UBE2D1: variants seen among roughly 807,000 people sequenced by gnomAD.
UBE2D1 encodes the protein ubiquitin-conjugating enzyme E2 D1.
UBE2D1 carries 9 observed loss-of-function variants against 24.6 expected under a neutral mutation model. That is an observed-to-expected ratio of 0.37 (90% CI 0.22 to 0.64). UBE2D1 has a LOEUF of 0.64. Among genes scored for constraint, UBE2D1 ranks in the 30% least tolerant of loss-of-function variants. The pLI, the probability that UBE2D1 is intolerant of heterozygous loss-of-function variation, is 0.64. For synonymous variants in UBE2D1, 57 were observed against 57.6 expected, an observed-to-expected ratio of 0.99 and a Z score of 0.04; for missense variants, 87 against 177.1, an observed-to-expected ratio of 0.49 and a Z score of 2.89.
rs577366601 is a variant in UBE2D1, at chr10:58,346,889, G to A, written c.24+11664G>A. Among the ~76,000 whole-genome samples the A allele has an allele frequency of 5.3e-5, 8 of 152,264 alleles. No individual in the cohort carries two copies. In the East Asian group the frequency reaches 1.5e-3, roughly 29 times the overall value. ...GGTCTAAGCTACAGTGTTAGCAGAG[G>A]ACATTGAAAAGAGGGATATATGACA... is the stretch of plus-strand genomic sequence containing the variant. On this transcript the variant is annotated intron_variant, in intron 1 of 6. Transcript: ENST00000373910.
chr10:58,336,842 T>C (rs1839908677), intron 1 of UBE2D1, among the ~76,000 whole-genome samples: 1 of 152,188 alleles, frequency 6.6e-6, no homozygotes, highest in Non-Finnish European at 1.5e-5. Context: ...TTTCATTGTG[T>C]TTTTTTAAGA....
At chr10:58,340,763 C>T (rs1474648460) in intron 1 of UBE2D1, among the ~76,000 whole-genome samples, 2 of 152,110 alleles carry the variant, frequency 1.3e-5, no homozygotes, top group Middle Eastern at 3.2e-3. Context: ...GTTTTTAAAA[C>T]GGGAAGTAGA....
intron 5 of UBE2D1, among the ~76,000 whole-genome samples, chr10:58,367,465 A>G (rs1454524317): frequency 6.6e-6 from 1 of 152,172 alleles, no homozygotes; most frequent in African/African-American, 2.4e-5. Flanking sequence ...AATAAACTAC[A>G]TTAAGTAAAG....
At chr10:58,357,863 T>C (rs1399910633) in intron 1 of UBE2D1, among the ~76,000 whole-genome samples, 2 of 152,164 alleles carry the variant, frequency 1.3e-5, no homozygotes, top group African/African-American at 2.4e-5. Context: ...ATGTTTGATA[T>C]ACTATCAGCT....
chr10:58,344,275 A>C (rs1302779614), intron 1 of UBE2D1, among the ~76,000 whole-genome samples: 1 of 152,184 alleles, frequency 6.6e-6, no homozygotes, highest in African/African-American at 2.4e-5. Context: ...TTGGTTGAAA[A>C]TAATGTGCTC....
chr10:58,358,027 A>G (rs1328088838), intron 1 of UBE2D1, among the ~76,000 whole-genome samples: 1 of 151,994 alleles, frequency 6.6e-6, no homozygotes, highest in Non-Finnish European at 1.5e-5. Context: ...TAACAAGATA[A>G]CCTTTGTTTT....
chr10:58,365,189 G>A (rs1840241945), intron 5 of UBE2D1, among the ~76,000 whole-genome samples: 1 of 152,138 alleles, frequency 6.6e-6, no homozygotes, highest in Non-Finnish European at 1.5e-5. Flanking sequence ...AAGAGAGAGT[G>A]CCCGGGCACT....
rs779243844 is a variant in UBE2D1, at chr10:58,368,710, G to A, written c.399-10G>A. ...TATGTTTTTACTATATCCTTTTTGT[G>A]TATCTACAGATACAACAGACATGCA... On this transcript the variant is annotated splice_polypyrimidine_tract_variant and intron_variant, in intron 6 of 6. Coordinates refer to ENST00000373910, the MANE Select transcript of UBE2D1 (RefSeq NM_003338.5). 3 of 1,562,360 alleles carry A rather than the reference G, an allele frequency of 1.9e-6. No individual in the cohort carries two copies. The highest frequency in any genetic ancestry group is 2.6e-6 in the Non-Finnish European group (3 of 1,153,602).
At chr10:58,337,837 T>C (rs1839919135) in intron 1 of UBE2D1, among the ~76,000 whole-genome samples, 1 of 152,066 alleles carries the variant, frequency 6.6e-6, no homozygotes. Flanking sequence ...AGGAGTGCTT[T>C]GTCCAAAGAT....
At chr10:58,336,623 G>T (rs1320797553) in intron 1 of UBE2D1, among the ~76,000 whole-genome samples, 1 of 152,140 alleles carries the variant, frequency 6.6e-6, no homozygotes, top group Admixed American at 6.5e-5. Context: ...TGAAGGTAGC[G>T]CAATTACACA....
At position 58,336,972 on chromosome 10, in the gene UBE2D1, C is replaced by T. The variant is rs527279012; in HGVS notation, c.24+1747C>T. On this transcript the variant is annotated intron_variant, in intron 1 of 6. Coordinates refer to ENST00000373910, the MANE Select transcript of UBE2D1 (RefSeq NM_003338.5). Reference sequence around the variant, plus strand: ...AATAGCTTAAGCTGTATAATTTGTCCACAGTAAGTGGATATTCAAAGAAAT... The same window carrying T: ...AATAGCTTAAGCTGTATAATTTGTCTACAGTAAGTGGATATTCAAAGAAAT... 3.3e-5 allele frequency among the ~76,000 whole-genome samples: 5 copies of T among 152,268 alleles called. No individual in the cohort carries two copies. The East Asian group carries it at 9.6e-4, about 29-fold the overall frequency.
At chr10:58,345,314 A>G (rs928505388) in intron 1 of UBE2D1, among the ~76,000 whole-genome samples, 3 of 152,104 alleles carry the variant, frequency 2.0e-5, no homozygotes, top group Non-Finnish European at 4.4e-5. Flanking sequence ...ATTTTAAAAA[A>G]AAAATTAAAA....
chr10:58,344,054 T>G (rs1172799036), intron 1 of UBE2D1, among the ~76,000 whole-genome samples: 3 of 152,276 alleles, frequency 2.0e-5, no homozygotes, highest in African/African-American at 7.2e-5. Context: ...CCTGTAAAGT[T>G]TTTCTTGACT....
At chr10:58,364,265 A>G (rs557741177) in intron 4 of UBE2D1, among the ~76,000 whole-genome samples, 2 of 152,288 alleles carry the variant, frequency 1.3e-5, no homozygotes, top group Admixed American at 6.5e-5. Flanking sequence ...AGTTAAAAAC[A>G]GATTAACATT....
chr10:58,356,577 A>G (rs1840133584), intron 1 of UBE2D1, among the ~76,000 whole-genome samples: 1 of 152,170 alleles, frequency 6.6e-6, no homozygotes, highest in Non-Finnish European at 1.5e-5. Flanking sequence ...CTACCAGGGC[A>G]GTAATTTCTA....
At chr10:58,346,666 C>T (rs61873955) in intron 1 of UBE2D1, among the ~76,000 whole-genome samples, 4 of 151,960 alleles carry the variant, frequency 2.6e-5, no homozygotes, top group African/African-American at 7.3e-5. Flanking sequence ...GCAGATATGA[C>T]GCTAGAAAGA....
In UBE2D1 at chr10:58,356,168, A is replaced by C. The variant is rs368558057; in HGVS notation, c.25-5170A>C. 2.8e-4 allele frequency among the ~76,000 whole-genome samples: 42 copies of C among 152,226 alleles called. No homozygotes were observed. The East Asian group carries it at 3.7e-3, about 13-fold the overall frequency. ...GAATAAAAATCTTTATTTTTCTTTA[A>C]AAAGTTACAAAAGTATTATAAAAAA... On this transcript the variant is annotated intron_variant, in intron 1 of 6. Transcript: ENST00000373910.
chr10:58,344,583 G>C (rs1054285747), intron 1 of UBE2D1, among the ~76,000 whole-genome samples: 1 of 151,856 alleles, frequency 6.6e-6, no homozygotes, highest in African/African-American at 2.4e-5. Context: ...AGCTATATTA[G>C]ACTTGACTTA....
chr10:58,340,453 A>G (rs1421329544), intron 1 of UBE2D1, among the ~76,000 whole-genome samples: 1 of 152,232 alleles, frequency 6.6e-6, no homozygotes. Context: ...ATAATTTAAT[A>G]TCAGTAATCT....
Sources: allele counts gnomAD v4.1 joint callset (sites outside exome capture counted in the v4.1 genomes callset), GRCh38; gene constraint gnomAD v4.1.1; transcripts MANE v1.5; gene names NCBI Gene and HGNC (gene_info 2026-07-23, HGNC 2026-07-21).